Variants in RNF2 observed in about 807,000 individuals in gnomAD.
RNF2 encodes the protein E3 ubiquitin-protein ligase RING2.
Under a neutral mutation model 37.2 loss-of-function variants are expected in RNF2, and 6 were observed. The observed-to-expected ratio is 0.16, with a 90% CI of 0.09 to 0.32. The LOEUF (loss-of-function observed/expected upper bound fraction) is 0.32. Among genes scored for constraint, RNF2 ranks in the 10% least tolerant of loss-of-function variants. RNF2 has a pLI of 1.00. For missense variants in RNF2, 251 were observed against 404.0 expected (o/e 0.62, Z 3.25); for synonymous variants, 133 against 132.7 (o/e 1.00, Z -0.02).
At chr1:185,060,514 T>C (rs1297377801) in intron 1 of RNF2, among the ~76,000 whole-genome samples, 1 of 152,214 alleles carries the variant, frequency 6.6e-6, no homozygotes, top group East Asian at 1.9e-4. Context: ...ATTGACATTC[T>C]TTGTTTCTCT....
intron 1 of RNF2, among the ~76,000 whole-genome samples, chr1:185,059,431 G>A (rs928073803): frequency 2.6e-5 from 4 of 152,202 alleles, no homozygotes; most frequent in Admixed American, 6.5e-5. Flanking sequence ...AAAAAGTACC[G>A]AGTCCATATC....
intron 1 of RNF2, among the ~76,000 whole-genome samples, chr1:185,059,160 G>C (rs1650526226): frequency 6.6e-6 from 1 of 151,566 alleles, no homozygotes; most frequent in Non-Finnish European, 1.5e-5. Flanking sequence ...GATTAAGTTA[G>C]TCTACCTTTT....
intron 1 of RNF2, among the ~76,000 whole-genome samples, chr1:185,047,367 T>C (rs930212701): frequency 1.3e-5 from 2 of 152,226 alleles, no homozygotes; most frequent in African/African-American, 4.8e-5. Flanking sequence ...TACTGGGAAT[T>C]TGGAGTTTTT....
intron 1 of RNF2, among the ~76,000 whole-genome samples, chr1:185,081,700 G>GCACCCAGCC (rs1651412001): frequency 6.6e-6 from 1 of 151,992 alleles, no homozygotes; most frequent in Admixed American, 6.6e-5. Flanking sequence ...GTGAGCCACC[G>GCACCCAGCC]TGCCTGGCCT....
intron 1 of RNF2, among the ~76,000 whole-genome samples, chr1:185,080,153 A>G (rs1249797906): frequency 2.6e-5 from 4 of 152,118 alleles, no homozygotes; most frequent in Non-Finnish European, 5.9e-5. Context: ...TCAGCTTTTC[A>G]GACTGTATCT....
intron 1 of RNF2, among the ~76,000 whole-genome samples, chr1:185,081,654 C>A (rs1651410578): frequency 6.6e-6 from 1 of 151,928 alleles, no homozygotes; most frequent in African/African-American, 2.4e-5. Flanking sequence ...CAGGTGATCA[C>A]CTGCCCCAAC....
intron 1 of RNF2, among the ~76,000 whole-genome samples, chr1:185,049,741 A>C (rs116430801): frequency 6.6e-6 from 1 of 151,858 alleles, no homozygotes; most frequent in African/African-American, 2.4e-5. Flanking sequence ...AAGAGGTTCT[A>C]TGGACCCGGT....
chr1:185,067,567 G>C (rs1650833460), intron 1 of RNF2, among the ~76,000 whole-genome samples: 1 of 152,066 alleles, frequency 6.6e-6, no homozygotes. Flanking sequence ...CAGTAACTAT[G>C]AGAGAAAAAC....
chr1:185,067,093 A>C (rs980958443), intron 1 of RNF2, among the ~76,000 whole-genome samples: 1 of 152,252 alleles, frequency 6.6e-6, no homozygotes, highest in Non-Finnish European at 1.5e-5. Context: ...TGTATGTTCC[A>C]TATTGTGGAA....
intron 1 of RNF2, among the ~76,000 whole-genome samples, chr1:185,061,129 T>C (rs1195859619): frequency 8.8e-5 from 2 of 22,800 alleles, no homozygotes; most frequent in Non-Finnish European, 1.5e-4. Context: ...TCTCTCTCTC[T>C]TTTTTTTTTT....
chr1:185,089,314 C>G (rs889218622), intron 2 of RNF2, among the ~76,000 whole-genome samples: 1 of 152,156 alleles, frequency 6.6e-6, no homozygotes, highest in Non-Finnish European at 1.5e-5. Context: ...GCCTGAGGTT[C>G]GGGACCCCTG....
At chr1:185,061,357 A>G (rs758173167) in intron 1 of RNF2, among the ~76,000 whole-genome samples, 14 of 151,534 alleles carry the variant, frequency 9.2e-5, no homozygotes, top group African/African-American at 2.7e-4. Context: ...TCAAGACCCT[A>G]TCTCTTAAAA....
At chr1:185,099,051 CT>C (rs1345375710) in intron 5 of RNF2, among the ~76,000 whole-genome samples, 1,852 of 124,632 alleles carry the variant, frequency 0.015, 18 homozygotes, top group African/African-American at 0.033. Context: ...TGCCCGGCCT[CT>C]TTTTTTTTTT....
At chr1:185,077,044 G>C (rs969754794) in intron 1 of RNF2, among the ~76,000 whole-genome samples, 6 of 151,922 alleles carry the variant, frequency 3.9e-5, no homozygotes, top group African/African-American at 1.5e-4. Flanking sequence ...ATTATTTTAA[G>C]GATTTTATAA....
rs1159336431 is a variant in RNF2 at position 185,052,857 on chromosome 1, A to G, written c.-3+7208A>G. Among the ~76,000 whole-genome samples, 3 of 152,216 alleles carry G rather than the reference A, an allele frequency of 2.0e-5. No homozygotes were observed. The East Asian group carries it at 5.8e-4, about 29-fold the overall frequency. ...CAGAGGGTCAGCAAGTGTGGCTTCA[A>G]AGCTCTGCCTCAAGTAATGACGGTG... On this transcript the variant is annotated intron_variant, in intron 1 of 6. Coordinates refer to ENST00000367510, the MANE Select transcript of RNF2 (RefSeq NM_007212.4).
At chr1:185,086,908 T>A (rs373234473) in intron 1 of RNF2, among the ~76,000 whole-genome samples, 8 of 152,196 alleles carry the variant, frequency 5.3e-5, no homozygotes, top group African/African-American at 1.9e-4. Flanking sequence ...TATTTATTGT[T>A]TTGGGTTAAG....
In RNF2 at chr1:185,067,963, C is replaced by T. The variant is rs1650849355; in HGVS notation, c.-2-19589C>T. ...TGACCTCATGATTCACCCGCCTTGG[C>T]CTTCCAAAGTGCTGGGATTACAGGC... On this transcript the variant is annotated intron_variant, in intron 1 of 6. Transcript: ENST00000367510. Among the ~76,000 whole-genome samples the T allele has an allele frequency of 4.0e-5, 6 of 149,752 alleles. No individual in the cohort carries two copies. The Admixed American group carries it at 4.0e-4, about 10-fold the overall frequency.
At chr1:185,056,488 A>G (rs1650438145) in intron 1 of RNF2, among the ~76,000 whole-genome samples, 1 of 151,766 alleles carries the variant, frequency 6.6e-6, no homozygotes, top group Non-Finnish European at 1.5e-5. Flanking sequence ...CTTCCTGAGT[A>G]GGTGGAACTA....
intron 1 of RNF2, among the ~76,000 whole-genome samples, chr1:185,079,502 C>A (rs2102183858): frequency 6.6e-6 from 1 of 152,320 alleles, no homozygotes; most frequent in East Asian, 1.9e-4. Flanking sequence ...TTTGAAACAA[C>A]CAGTCTGCTT....
Sources: allele counts gnomAD v4.1 joint callset (sites outside exome capture counted in the v4.1 genomes callset), GRCh38; gene constraint gnomAD v4.1.1; transcripts MANE v1.5; gene names NCBI Gene and HGNC (gene_info 2026-07-23, HGNC 2026-07-21).